CCSER1: variants seen among roughly 807,000 people sequenced by gnomAD.
The protein encoded by CCSER1 is serine-rich coiled-coil domain-containing protein 1.
CCSER1 carries 41 observed loss-of-function variants against 82.0 expected under a neutral mutation model. The ratio of observed to expected loss-of-function variants is 0.50; its 90% CI spans 0.39 to 0.65. CCSER1 has a LOEUF of 0.65. CCSER1 is among the 30% of genes least tolerant of loss of function. The pLI is 0.00. For missense variants in CCSER1, 1,119 were observed against 1,064.2 expected (o/e 1.05, Z -0.72); for synonymous variants, 414 against 383.9 (o/e 1.08, Z -0.92).
At chr4:91,419,113 C>A (rs1416368858) in intron 10 of CCSER1, among the ~76,000 whole-genome samples, 1 of 151,792 alleles carries the variant, frequency 6.6e-6, no homozygotes, top group East Asian at 1.9e-4. Context: ...ATAAAACAAG[C>A]CCACAGCTAA....
intron 3 of CCSER1, among the ~76,000 whole-genome samples, chr4:90,362,931 C>T (rs900654551): frequency 1.3e-5 from 2 of 152,096 alleles, no homozygotes; most frequent in African/African-American, 2.4e-5. Flanking sequence ...TACAGATTTG[C>T]TCTTGGATAA....
At chr4:90,563,918 G>C (rs1779070943) in intron 5 of CCSER1, among the ~76,000 whole-genome samples, 1 of 152,064 alleles carries the variant, frequency 6.6e-6, no homozygotes. Flanking sequence ...TGCTAGCGTT[G>C]CCTTTTCTCT....
At chr4:91,448,854 T>G (rs1755718857) in intron 10 of CCSER1, among the ~76,000 whole-genome samples, 1 of 152,118 alleles carries the variant, frequency 6.6e-6, no homozygotes, top group Non-Finnish European at 1.5e-5. Flanking sequence ...ACTTGCATTC[T>G]AGTAGGGAGA....
At chr4:91,550,424 G>A (rs1044238548) in intron 10 of CCSER1, among the ~76,000 whole-genome samples, 3 of 152,124 alleles carry the variant, frequency 2.0e-5, no homozygotes, top group African/African-American at 7.2e-5. Flanking sequence ...TCCCATGGAA[G>A]TTTCTGCTCT....
chr4:90,596,980 T>G (rs566471944), intron 5 of CCSER1, among the ~76,000 whole-genome samples: 13 of 151,480 alleles, frequency 8.6e-5, no homozygotes, highest in African/African-American at 2.7e-4. Context: ...AGCTAAAGAG[T>G]TTTCAGTGTT....
intron 4 of CCSER1, among the ~76,000 whole-genome samples, chr4:90,460,403 A>G (rs1378138100): frequency 1.3e-5 from 2 of 151,470 alleles, no homozygotes; most frequent in Non-Finnish European, 2.9e-5. Flanking sequence ...TTCAATTATA[A>G]TAGACCTGAT....
chr4:90,514,896 T>A (rs1772051847), intron 5 of CCSER1, among the ~76,000 whole-genome samples: 1 of 150,476 alleles, frequency 6.6e-6, no homozygotes. Context: ...TGAGATGGAG[T>A]CTTGTTCCTG....
At chr4:90,793,329 C>G (rs926511984) in intron 7 of CCSER1, among the ~76,000 whole-genome samples, 1 of 152,144 alleles carries the variant, frequency 6.6e-6, no homozygotes, top group Non-Finnish European at 1.5e-5. Flanking sequence ...TCCTTTCCCT[C>G]CTCCCACCCT....
intron 10 of CCSER1, among the ~76,000 whole-genome samples, chr4:91,350,510 A>G (rs1420030324): frequency 6.6e-6 from 1 of 152,162 alleles, no homozygotes; most frequent in African/African-American, 2.4e-5. Flanking sequence ...TAACTGATAT[A>G]TAACAATAGG....
intron 7 of CCSER1, among the ~76,000 whole-genome samples, chr4:90,787,618 G>T (rs1754694141): frequency 6.6e-6 from 1 of 152,204 alleles, no homozygotes; most frequent in Non-Finnish European, 1.5e-5. Flanking sequence ...GATCGAGTAT[G>T]TGTAGCAGGG....
intron 10 of CCSER1, among the ~76,000 whole-genome samples, chr4:91,140,959 C>G (rs963585051): frequency 6.6e-6 from 1 of 152,032 alleles, no homozygotes; most frequent in African/African-American, 2.4e-5. Flanking sequence ...CCTGGCACCC[C>G]TCCTTCCCTC....
chr4:90,526,026 TGTTA>T (rs1442089542), intron 5 of CCSER1, among the ~76,000 whole-genome samples: 1 of 152,196 alleles, frequency 6.6e-6, no homozygotes, highest in African/African-American at 2.4e-5. Context: ...AAAAATATTT[TGTTA>T]GTTTTTCTCA....
At chr4:90,424,615 A>G (rs1471444681) in intron 4 of CCSER1, among the ~76,000 whole-genome samples, 2 of 152,186 alleles carry the variant, frequency 1.3e-5, no homozygotes, top group Admixed American at 6.5e-5. Context: ...AGCTTTGATT[A>G]CTAAGAATTA....
At chr4:91,251,276 CT>C (rs1375308737) in intron 10 of CCSER1, among the ~76,000 whole-genome samples, 1 of 152,140 alleles carries the variant, frequency 6.6e-6, no homozygotes, top group Non-Finnish European at 1.5e-5. Flanking sequence ...CACTTTCTTG[CT>C]GTATCTTCAC....
At chr4:91,297,982 C>G (rs977512020) in intron 10 of CCSER1, among the ~76,000 whole-genome samples, 2 of 151,836 alleles carry the variant, frequency 1.3e-5, no homozygotes, top group African/African-American at 4.8e-5. Context: ...TTAGGAAACT[C>G]AAGGAATTCA....
intron 8 of CCSER1, among the ~76,000 whole-genome samples, chr4:90,844,344 A>G (rs1192391280): frequency 6.6e-6 from 1 of 152,082 alleles, no homozygotes; most frequent in Non-Finnish European, 1.5e-5. Flanking sequence ...TAAGGCATTG[A>G]TTCACATTTT....
At chr4:90,910,056 G>C (rs142684070) in intron 8 of CCSER1, among the ~76,000 whole-genome samples, 5 of 152,158 alleles carry the variant, frequency 3.3e-5, no homozygotes, top group African/African-American at 1.2e-4. Context: ...GCTCATGATG[G>C]AAGGAGAAGG....
At chr4:91,128,757 C>A (rs868183053) in intron 10 of CCSER1, among the ~76,000 whole-genome samples, 1 of 152,032 alleles carries the variant, frequency 6.6e-6, no homozygotes, top group African/African-American at 2.4e-5. Context: ...TGACAGCAGG[C>A]TAAGGGGAAA....
At chr4:91,100,222 A>T (rs923206916) in intron 10 of CCSER1, among the ~76,000 whole-genome samples, 1 of 152,132 alleles carries the variant, frequency 6.6e-6, no homozygotes, top group Non-Finnish European at 1.5e-5. Context: ...CTCATTATAA[A>T]TCAACATTTA....
Sources: gnomAD v4.1 joint callset for allele counts (sites outside exome capture counted in the v4.1 genomes callset) on GRCh38, gnomAD v4.1.1 for gene constraint, MANE v1.5 for transcripts, NCBI Gene and HGNC (gene_info 2026-07-23, HGNC 2026-07-21) for gene names.